Variants in SYNPO2L observed in about 807,000 individuals in gnomAD.
SYNPO2L encodes synaptopodin 2-like protein.
In SYNPO2L, 34 loss-of-function variants were observed where a neutral mutation model predicts 47.5. The ratio of observed to expected loss-of-function variants is 0.72; its 90% CI spans 0.54 to 0.95. SYNPO2L has a LOEUF of 0.95. Among genes scored for constraint, SYNPO2L ranks in the 40% least tolerant of loss-of-function variants. SYNPO2L has a pLI of 0.00. For synonymous variants in SYNPO2L, 536 were observed against 524.9 expected (o/e 1.02, Z -0.29); for missense variants, 1,246 against 1,282.0 (o/e 0.97, Z 0.43).
Position 73,646,648 on chromosome 10 carries a change from G to A in SYNPO2L, c.*70C>T, listed in dbSNP as rs1589450031. 7.2e-7 allele frequency: 1 copy of A among 1,391,166 alleles called. No homozygotes were observed. The highest frequency in any genetic ancestry group is 2.5e-5 in the East Asian group (1 of 39,296). The allele number at this position is 1,391,166 out of a possible 1,614,324, so 86.2% of individuals were successfully genotyped here. A position where few individuals can be genotyped will look rare whatever the true frequency, so the allele number is the denominator to read the frequency against. On this transcript the variant is annotated 3_prime_UTR_variant, in exon 4 of 4. Coordinates refer to ENST00000394810, the MANE Select transcript of SYNPO2L (RefSeq NM_001114133.3). ...CTTCCAGATGCGTGACAGGGGATGGGATAGGGTAGGAGAAGCAACTTTAGG... is the reference window on the plus strand; with the variant it reads ...CTTCCAGATGCGTGACAGGGGATGGAATAGGGTAGGAGAAGCAACTTTAGG...
chr10:73,646,997 C>CTGG lies in SYNPO2L; in HGVS notation c.2652_2654dup (p.Val884_Gln885insHis). ...CCGGAGTGGAAAACCGGCGAATCTC[C>CTGG]TGGACTCGGGCAGTTTTGGGGGACC... On this transcript the variant is annotated inframe_insertion, in exon 4 of 4. Transcript: ENST00000394810. The CTGG allele has an allele frequency of 6.2e-7, 1 of 1,613,286 alleles. No individual in the cohort carries two copies. The highest frequency in any genetic ancestry group is 8.5e-7 in the Non-Finnish European group (1 of 1,179,370).
At position 73,654,279 on chromosome 10, in the gene SYNPO2L, A is replaced by G; in HGVS notation, c.107T>C (p.Ile36Thr). ...TCTGCCAGCCTGGCTCCGTCTTCGA[A>G]TCTGAGATGTTGAAGGAGACACTGT... ...EQRKPLQVSK[I>T]RRRSQAGRAG... is the part of the protein sequence containing the mutation. The change falls in exon 2 of 4, where the codon ATT becomes ACT. Residue 36 changes from isoleucine to threonine, a missense_variant and splice_region_variant. Physicochemically the swap from Ile to Thr is moderately conservative, Grantham distance 89. Around this residue, in one of 3 missense-constraint regions of SYNPO2L, gnomAD observed 61 missense variants for 55.6 expected, o/e 1.10. Transcript: ENST00000394810. 3 of 1,551,482 alleles carry G rather than the reference A, an allele frequency of 1.9e-6. No homozygotes were observed. The highest frequency in any genetic ancestry group is 2.6e-6 in the Non-Finnish European group (3 of 1,146,936).
chr10:73,648,318 G>C lies in SYNPO2L; in HGVS notation c.1334C>G (p.Ala445Gly), dbSNP rs1196401652. The C allele has an allele frequency of 3.1e-6, 5 of 1,604,690 alleles. No individual in the cohort carries two copies. In the South Asian group the frequency reaches 5.5e-5, roughly 18 times the overall value. The stretch of plus-strand genomic sequence containing the variant: ...ACCTGGTTGGAAGGGTCTGGGGCTG[G>C]CTACAGGCGCCGGCAAGGGGCTGGG... Reference protein sequence around the residue: ...LPPSPLPAPVASPRPFQPGGG... With the variant: ...LPPSPLPAPVGSPRPFQPGGG... The change falls in exon 4 of 4, where the codon GCC becomes GGC. Residue 445 changes from alanine to glycine, a missense_variant. Physicochemically the swap from Ala to Gly is moderately conservative, Grantham distance 60. Transcript: ENST00000394810.
At position 73,653,254 on chromosome 10, in the gene SYNPO2L, C is replaced by T; in HGVS notation, c.657G>A (p.Leu219=). 1 of 1,545,892 alleles carries T rather than the reference C, an allele frequency of 6.5e-7. No homozygotes were observed. The highest frequency in any genetic ancestry group is 8.7e-7 in the Non-Finnish European group (1 of 1,143,814). Residue 219 remains leucine, a synonymous_variant, in exon 3 of 4, where the codon CTG becomes CTA. Transcript: ENST00000394810. The stretch of plus-strand genomic sequence containing the variant: ...CAGGTCGGAGGGGGCCATGGGGTAA[C>T]AGCAGAGCCTCAGCTGGGGGTGGCT... ...ALQPPPAEAL[L]LPHGPLRPGP...
chr10:73,649,675 A>T (rs965216135), intron 3 of SYNPO2L: 5 of 969,410 alleles, frequency 5.2e-6, no homozygotes, highest in African/African-American at 1.8e-5. Flanking sequence ...ACACACCTAC[A>T]TGCTCTAGGT....
intron 3 of SYNPO2L, chr10:73,650,174 A>G: frequency 1.0e-6 from 1 of 985,442 alleles, no homozygotes; most frequent in Non-Finnish European, 1.2e-6. Context: ...CTGAAAAATT[A>G]TTGAGATTCC....
At chr10:73,651,010 T>A in intron 3 of SYNPO2L, 6 of 1,612,268 alleles carry the variant, frequency 3.7e-6, no homozygotes, top group Non-Finnish European at 4.2e-6. Context: ...GTCTCCATGC[T>A]GAGAAAGGCG....
chr10:73,655,396 G>A (rs2081870750), intron 1 of SYNPO2L, among the ~76,000 whole-genome samples: 1 of 151,934 alleles, frequency 6.6e-6, no homozygotes, highest in Admixed American at 6.6e-5. Flanking sequence ...GGGTAGGGCT[G>A]GGCTGGGCTA....
In SYNPO2L at chr10:73,646,875, G is replaced by A. The variant is rs138872746; in HGVS notation, c.2777C>T (p.Ser926Leu). 1.9e-5 allele frequency: 30 copies of A among 1,559,804 alleles called. No individual in the cohort carries two copies. Among genetic ancestry groups the A allele is most frequent in the Non-Finnish European group, 2.4e-5 (28 of 1,151,510 alleles). The change falls in exon 4 of 4, where the codon TCA (serine) becomes TTA (leucine). Residue 926 changes from serine to leucine, a missense_variant. Physicochemically the swap from Ser to Leu is moderately radical, Grantham distance 145. Around this residue, in one of 3 missense-constraint regions of SYNPO2L, gnomAD observed 1,037 missense variants for 1,021.5 expected, o/e 1.02. Coordinates refer to ENST00000394810, the MANE Select transcript of SYNPO2L (RefSeq NM_001114133.3). ...AGGGGCTGGGCTAGGAACAGGGGCTGAGGCCAGTTCTGTTCTCCAGATGGG... is the reference window on the plus strand; with the variant it reads ...AGGGGCTGGGCTAGGAACAGGGGCTAAGGCCAGTTCTGTTCTCCAGATGGG... ...DEPIWRTELA[S>L]APVPSPAPPP... is the part of the protein sequence containing the mutation.
At position 73,646,842 on chromosome 10, in the gene SYNPO2L, T is replaced by C; in HGVS notation, c.2810A>G (p.Glu937Gly). 1 of 1,547,302 alleles carries C rather than the reference T, an allele frequency of 6.5e-7. No individual in the cohort carries two copies. The highest frequency in any genetic ancestry group is 8.7e-7 in the Non-Finnish European group (1 of 1,149,056). The change falls in exon 4 of 4, where the codon GAG (glutamate) becomes GGG (glycine). Residue 937 changes from glutamate to glycine, a missense_variant. By Grantham distance (98) the Glu-to-Gly change is moderately conservative. This residue lies in a region of SYNPO2L where 1,037 missense variants were observed against 1,021.5 expected (regional missense o/e 1.02). Coordinates refer to ENST00000394810, the MANE Select transcript of SYNPO2L (RefSeq NM_001114133.3). ...AGAAGCCCCAAGGCCCCTGGGAGCC[T>C]CTGGAGGAGGGGCTGGGCTAGGAAC... ...APVPSPAPPP[E>G]APRGLGASPS... is the part of the protein sequence containing the mutation.
At position 73,645,958 on chromosome 10, in the gene SYNPO2L, G is replaced by C; in HGVS notation, c.*760C>G. On this transcript the variant is annotated 3_prime_UTR_variant, in exon 4 of 4. Transcript: ENST00000394810. The stretch of plus-strand genomic sequence containing the variant: ...TCCTGCCTCAGCCTCCCGAGTAGCT[G>C]GGACTACAGGCGCTCGCCACCACGC... 3 of 844,176 alleles carry C rather than the reference G, an allele frequency of 3.6e-6. No homozygotes were observed. The highest frequency in any genetic ancestry group is 4.3e-6 in the Non-Finnish European group (3 of 700,752). 52.3% of individuals were successfully genotyped at this position (844,176 alleles called of 1,614,324 possible).
At position 73,645,169 on chromosome 10, in the gene SYNPO2L, A is replaced by C; in HGVS notation, c.*1549T>G. On this transcript the variant is annotated 3_prime_UTR_variant, in exon 4 of 4. Coordinates refer to ENST00000394810, the MANE Select transcript of SYNPO2L (RefSeq NM_001114133.3). ...CAAGCTGCAGAAGACACACTGAAGA[A>C]CAGACTCAAGGAAAATCACACAGAC... 3.4e-6 allele frequency: 4 copies of C among 1,182,044 alleles called. No individual in the cohort carries two copies. The highest frequency in any genetic ancestry group is 4.3e-6 in the Non-Finnish European group (4 of 939,148). The allele number at this position is 1,182,044 out of a possible 1,614,324, so 73.2% of individuals were successfully genotyped here.
intron 3 of SYNPO2L, 77 bp downstream of exon 3, chr10:73,653,062 A>G: frequency 7.1e-7 from 1 of 1,416,326 alleles, no homozygotes; most frequent in Non-Finnish European, 9.3e-7. Flanking sequence ...GGTAGGGAGA[A>G]TGTACGGCTA....
At position 73,646,037 on chromosome 10, in the gene SYNPO2L, G is replaced by C. The variant is rs2081743787; in HGVS notation, c.*681C>G. 1.0e-6 allele frequency: 1 copy of C among 953,100 alleles called. No individual in the cohort carries two copies. The highest frequency in any genetic ancestry group is 1.2e-4 in the East Asian group (1 of 8,666). The allele number at this position is 953,100 out of a possible 1,614,324, so 59.0% of individuals were successfully genotyped here. A position where few individuals can be genotyped will look rare whatever the true frequency, so the allele number is the denominator to read the frequency against. ...AATGGGGTTTCACCGTGTTAGCCAG[G>C]ATGGTCTCGATCTCCTGACCTCGTG... On this transcript the variant is annotated 3_prime_UTR_variant, in exon 4 of 4. Transcript: ENST00000394810.
chr10:73,654,077 C>T (rs2081861212), intron 2 of SYNPO2L, 52 bp downstream of exon 2: 1 of 1,535,448 alleles, frequency 6.5e-7, no homozygotes, highest in African/African-American at 1.4e-5. Context: ...AGAGCTGAGA[C>T]AGGCAATGGG....
At position 73,652,110 on chromosome 10, in the gene SYNPO2L, C is replaced by T. The variant is rs374102006; in HGVS notation, c.772+1029G>A. Among the ~76,000 whole-genome samples, 13 of 149,494 alleles carry T rather than the reference C, an allele frequency of 8.7e-5. 1 individual carries two copies. The highest frequency in any genetic ancestry group is 6.7e-4 in the Admixed American group (10 of 15,016). On this transcript the variant is annotated intron_variant, in intron 3 of 3. Coordinates refer to ENST00000394810, the MANE Select transcript of SYNPO2L (RefSeq NM_001114133.3). ...AAAAAACCAGAAAAAAAAAAGAACCCCTGTAGCTTTGACCCACTTTTATTT... is the reference window on the plus strand; with the variant it reads ...AAAAAACCAGAAAAAAAAAAGAACCTCTGTAGCTTTGACCCACTTTTATTT...
intron 3 of SYNPO2L, among the ~76,000 whole-genome samples, chr10:73,651,683 C>G (rs1417379412): frequency 6.6e-6 from 1 of 152,186 alleles, no homozygotes; most frequent in Admixed American, 6.5e-5. Context: ...AAAGCTCCCT[C>G]CCTCTGCCAC....
chr10:73,647,339 C>G lies in SYNPO2L; in HGVS notation c.2313G>C (p.Arg771Ser), dbSNP rs1317343481. 3 of 1,613,976 alleles carry G rather than the reference C, an allele frequency of 1.9e-6. No individual in the cohort carries two copies. Among genetic ancestry groups the G allele is most frequent in the African/African-American group, 1.3e-5 (1 of 74,862 alleles). ...LFAKRQSRAD[R>S]YVVEGTPGPG... ...GACCAGGTGTACCTTCCACCACATA[C>G]CTGTCCGCACGGCTCTGCCGCTTAG... Residue 771 changes from arginine to serine, a missense_variant, in exon 4 of 4, where the codon AGG becomes AGC. By Grantham distance (110) the Arg-to-Ser change is moderately radical (BLOSUM62 -1). Coordinates refer to ENST00000394810, the MANE Select transcript of SYNPO2L (RefSeq NM_001114133.3).
intron 3 of SYNPO2L, among the ~76,000 whole-genome samples, chr10:73,652,514 C>CA (rs1160380635): frequency 6.6e-6 from 1 of 151,886 alleles, no homozygotes; most frequent in East Asian, 1.9e-4. Context: ...ACTAAAAATA[C>CA]AAAAAATTAG....
Sources: gnomAD v4.1 joint callset for allele counts (sites outside exome capture counted in the v4.1 genomes callset) on GRCh38, gnomAD v4.1.1 for gene constraint, gnomAD v4.1.1 regional missense constraint, MANE v1.5 for transcripts, NCBI Gene and HGNC (gene_info 2026-07-23, HGNC 2026-07-21) for gene names.